POU6F2: variants seen among roughly 807,000 people sequenced by gnomAD.
The protein encoded by POU6F2 is POU class 6 homeobox 2, also known as POU domain, class 6, transcription factor 2.
In POU6F2, 31 loss-of-function variants were observed where a neutral mutation model predicts 71.3. The observed-to-expected ratio is 0.43, with a 90% CI of 0.33 to 0.59. The LOEUF is 0.59. POU6F2 is among the 20% of genes least tolerant of loss of function. The probability of loss-of-function intolerance (pLI) is 0.04; values close to 1 mark genes in which losing one functional copy is unlikely to be tolerated. For missense variants in POU6F2, 783 were observed against 856.8 expected (o/e 0.91, Z 1.07); for synonymous variants, 347 against 355.7 (o/e 0.98, Z 0.27).
intron 6 of POU6F2, among the ~76,000 whole-genome samples, chr7:39,420,616 A>G (rs911278900): frequency 1.3e-5 from 2 of 152,170 alleles, no homozygotes; most frequent in Non-Finnish European, 2.9e-5. Context: ...AAATGCTCCA[A>G]TTTTTTTAGC....
intron 1 of POU6F2, among the ~76,000 whole-genome samples, chr7:38,987,244 G>T (rs1788485404): frequency 2.0e-5 from 3 of 152,078 alleles, no homozygotes; most frequent in African/African-American, 4.8e-5. Flanking sequence ...TAGCAATAAA[G>T]ATCACAATAT....
At position 39,218,478 on chromosome 7, in the gene POU6F2, G is replaced by A. The variant is rs1794285724; in HGVS notation, c.598+10858G>A. On this transcript the variant is annotated intron_variant, in intron 4 of 9. Transcript: ENST00000518318. ...CTCTTACGTGTGTAATTCTTGCAGGGTAGATTCCTAGTGAGAGGTCACAGC... is the reference window on the plus strand; with the variant it reads ...CTCTTACGTGTGTAATTCTTGCAGGATAGATTCCTAGTGAGAGGTCACAGC... Among the ~76,000 whole-genome samples, 3 of 152,112 alleles carry A rather than the reference G, an allele frequency of 2.0e-5. No homozygotes were observed. The South Asian group carries it at 6.2e-4, about 32-fold the overall frequency.
intron 6 of POU6F2, among the ~76,000 whole-genome samples, chr7:39,427,465 T>C (rs1238511546): frequency 1.3e-5 from 2 of 152,306 alleles, no homozygotes; most frequent in Middle Eastern, 3.4e-3. Flanking sequence ...TATTGCTGTT[T>C]AAATAACATC....
intron 4 of POU6F2, among the ~76,000 whole-genome samples, chr7:39,221,633 C>G (rs1039377532): frequency 1.3e-5 from 2 of 152,068 alleles, no homozygotes; most frequent in Non-Finnish European, 2.9e-5. Flanking sequence ...GTGATCCACT[C>G]ACCTCGGCCT....
intron 5 of POU6F2, among the ~76,000 whole-genome samples, chr7:39,355,929 A>C (rs1786246476): frequency 6.6e-6 from 1 of 152,144 alleles, no homozygotes; most frequent in Admixed American, 6.5e-5. Context: ...TGGCTAATTT[A>C]GGCCCCTGGA....
chr7:39,195,430 C>T (rs1215756150), intron 2 of POU6F2, among the ~76,000 whole-genome samples: 2 of 152,220 alleles, frequency 1.3e-5, no homozygotes, highest in South Asian at 4.1e-4. Context: ...TAGTACCCTC[C>T]TTGCTGCTGA....
intron 2 of POU6F2, among the ~76,000 whole-genome samples, chr7:39,189,589 G>A (rs769859808): frequency 3.3e-5 from 5 of 151,824 alleles, no homozygotes; most frequent in Non-Finnish European, 5.9e-5. Context: ...TTTTAGTAGA[G>A]ACAGGATTTC....
chr7:39,166,353 G>A lies in POU6F2; in HGVS notation c.278-37882G>A, dbSNP rs116781083. On this transcript the variant is annotated intron_variant, in intron 2 of 9. Coordinates refer to ENST00000518318, the MANE Select transcript of POU6F2 (RefSeq NM_001370959.1). Reference sequence around the variant, plus strand: ...TTCACAGTCCATTTTACATATTAACGGGAGTTAGACTTTCTCTCCAAGTTC... The same window carrying A: ...TTCACAGTCCATTTTACATATTAACAGGAGTTAGACTTTCTCTCCAAGTTC... 1.8e-3 allele frequency among the ~76,000 whole-genome samples: 272 copies of A among 152,236 alleles called. 1 individual carries two copies. Among genetic ancestry groups the A allele is most frequent in the African/African-American group, 6.1e-3 (254 of 41,534 alleles).
intron 4 of POU6F2, among the ~76,000 whole-genome samples, chr7:39,229,629 A>G (rs1227232082): frequency 6.6e-6 from 1 of 152,224 alleles, no homozygotes; most frequent in Non-Finnish European, 1.5e-5. Flanking sequence ...TTCACTAGTA[A>G]GATACTAGTT....
chr7:39,314,689 CA>C (rs1265301111), intron 4 of POU6F2, among the ~76,000 whole-genome samples: 1 of 152,152 alleles, frequency 6.6e-6, no homozygotes, highest in African/African-American at 2.4e-5. Flanking sequence ...CTTACATTTA[CA>C]AAAACTTATT....
intron 4 of POU6F2, among the ~76,000 whole-genome samples, chr7:39,301,163 A>G (rs1784942141): frequency 6.6e-6 from 1 of 152,082 alleles, no homozygotes; most frequent in Admixed American, 6.5e-5. Flanking sequence ...TTTCTTTGCT[A>G]TCCTGTAAAG....
intron 2 of POU6F2, among the ~76,000 whole-genome samples, chr7:39,102,361 C>T (rs184295476): frequency 5.3e-5 from 8 of 152,272 alleles, no homozygotes; most frequent in African/African-American, 1.2e-4. Context: ...TTTTTTACAG[C>T]CTCTTTTGCA....
intron 1 of POU6F2, among the ~76,000 whole-genome samples, chr7:38,978,895 A>C (rs549787957): frequency 6.6e-6 from 1 of 152,300 alleles, no homozygotes; most frequent in South Asian, 2.1e-4. Context: ...CTTTCCGTGA[A>C]GTCAGTAGTT....
At chr7:39,374,114 A>C (rs994449633) in intron 5 of POU6F2, among the ~76,000 whole-genome samples, 3 of 152,214 alleles carry the variant, frequency 2.0e-5, no homozygotes, top group Non-Finnish European at 4.4e-5. Flanking sequence ...TGCCACTGTG[A>C]AAAGTCGCAT....
intron 6 of POU6F2, among the ~76,000 whole-genome samples, chr7:39,407,721 T>G (rs995434103): frequency 6.6e-6 from 1 of 152,130 alleles, no homozygotes; most frequent in Non-Finnish European, 1.5e-5. Context: ...TTTGATGTCT[T>G]GAACCCTGTT....
At chr7:39,345,002 A>G (rs1200780604) in intron 5 of POU6F2, among the ~76,000 whole-genome samples, 1 of 152,218 alleles carries the variant, frequency 6.6e-6, no homozygotes, top group African/African-American at 2.4e-5. Context: ...GGTGTACTCA[A>G]AAATTCAGAT....
chr7:39,169,395 T>A (rs919719177), intron 2 of POU6F2, among the ~76,000 whole-genome samples: 7 of 152,204 alleles, frequency 4.6e-5, no homozygotes, highest in Admixed American at 1.3e-4. Context: ...AGCCTGTGCG[T>A]GAACTGCAAC....
chr7:39,046,543 G>T (rs1440640555), intron 1 of POU6F2, among the ~76,000 whole-genome samples: 1 of 151,760 alleles, frequency 6.6e-6, no homozygotes, highest in Admixed American at 6.6e-5. Flanking sequence ...TCTAGATCAG[G>T]ATTTTGCATA....
At chr7:39,021,638 T>A (rs1031039664) in intron 1 of POU6F2, among the ~76,000 whole-genome samples, 1 of 152,050 alleles carries the variant, frequency 6.6e-6, no homozygotes, top group Admixed American at 6.6e-5. Context: ...TTTCCCAAAA[T>A]GTTTACTACA....
Sources: gnomAD v4.1 joint callset for allele counts (sites outside exome capture counted in the v4.1 genomes callset) on GRCh38, gnomAD v4.1.1 for gene constraint, MANE v1.5 for transcripts, NCBI Gene and HGNC (gene_info 2026-07-23, HGNC 2026-07-21) for gene names.